The following NAALADL2 variants were observed in gnomAD, a reference collection of about 807,000 sequenced individuals.
The protein encoded by NAALADL2 is inactive N-acetylated-alpha-linked acidic dipeptidase-like protein 2.
Under a neutral mutation model 87.2 loss-of-function variants are expected in NAALADL2, and 76 were observed. That is an observed-to-expected ratio of 0.87 (90% CI 0.72 to 1.05). The LOEUF is 1.05. Among genes scored for constraint, NAALADL2 ranks in the 50% least tolerant of loss-of-function variants. The pLI is 0.00. For synonymous variants in NAALADL2, 354 were observed against 331.0 expected (o/e 1.07, Z -0.75); for missense variants, 1,089 against 945.8 (o/e 1.15, Z -1.99).
chr3:174,892,453 CA>C (rs1011859712), intron 1 of NAALADL2, among the ~76,000 whole-genome samples: 1 of 151,000 alleles, frequency 6.6e-6, no homozygotes, highest in African/African-American at 2.4e-5. Flanking sequence ...AACAAACAAA[CA>C]AAAAAGACAA....
intron 3 of NAALADL2, among the ~76,000 whole-genome samples, chr3:174,758,206 G>A (rs1233292716): frequency 3.3e-5 from 5 of 152,078 alleles, no homozygotes; most frequent in South Asian, 2.1e-4. Context: ...TCCCTTCCAC[G>A]TTTTAGAATA....
At chr3:175,359,103 TG>T (rs1265908240) in intron 5 of NAALADL2, among the ~76,000 whole-genome samples, 1 of 152,110 alleles carries the variant, frequency 6.6e-6, no homozygotes, top group African/African-American at 2.4e-5. Context: ...CAATGCTCAT[TG>T]CAAGCAGAAA....
At chr3:175,539,403 C>T (rs1228177155) in intron 9 of NAALADL2, among the ~76,000 whole-genome samples, 2 of 152,050 alleles carry the variant, frequency 1.3e-5, no homozygotes, top group Non-Finnish European at 2.9e-5. Context: ...AATAATTGAA[C>T]CCATTAAATA....
At chr3:175,533,917 C>T (rs1250841719) in intron 9 of NAALADL2, among the ~76,000 whole-genome samples, 2 of 151,948 alleles carry the variant, frequency 1.3e-5, no homozygotes, top group South Asian at 4.1e-4. Flanking sequence ...AGCAACCAAC[C>T]AGCTTCATTG....
chr3:174,692,014 T>G (rs953750067), intron 2 of NAALADL2: 2 of 152,250 alleles, frequency 1.3e-5, no homozygotes, highest in African/African-American at 2.4e-5. Flanking sequence ...CAAGTCATCC[T>G]TGAGGGTTGA....
intron 2 of NAALADL2, among the ~76,000 whole-genome samples, chr3:175,135,794 T>C (rs970773141): frequency 6.6e-6 from 1 of 152,128 alleles, no homozygotes; most frequent in African/African-American, 2.4e-5. Flanking sequence ...AAAATAAGTA[T>C]GTATTTAAGT....
At chr3:175,402,166 C>T (rs1170844243) in intron 5 of NAALADL2, among the ~76,000 whole-genome samples, 1 of 151,990 alleles carries the variant, frequency 6.6e-6, no homozygotes, top group Non-Finnish European at 1.5e-5. Context: ...TTATGGGGCA[C>T]TGAATGGGAA....
intron 5 of NAALADL2, among the ~76,000 whole-genome samples, chr3:175,412,924 A>ATTATTC (rs1445481611): frequency 6.9e-6 from 1 of 145,654 alleles, no homozygotes; most frequent in African/African-American, 2.5e-5. Context: ...TATTATTATT[A>ATTATTC]TTATTTTTGA....
At chr3:175,665,243 C>G (rs1732798521) in intron 11 of NAALADL2, among the ~76,000 whole-genome samples, 1 of 152,184 alleles carries the variant, frequency 6.6e-6, no homozygotes, top group African/African-American at 2.4e-5. Context: ...AGTTACAAGG[C>G]TGTATTTTAA....
At chr3:175,314,546 T>G (rs1758788709) in intron 4 of NAALADL2, among the ~76,000 whole-genome samples, 1 of 119,652 alleles carries the variant, frequency 8.4e-6, no homozygotes. Context: ...TGATTAATAC[T>G]TACCTTCACA....
intron 13 of NAALADL2, among the ~76,000 whole-genome samples, chr3:175,791,633 T>TA (rs1476438589): frequency 1.3e-5 from 2 of 152,178 alleles, no homozygotes; most frequent in Non-Finnish European, 2.9e-5. Flanking sequence ...ATTGATGTCC[T>TA]AAACTGACTA....
intron 2 of NAALADL2, among the ~76,000 whole-genome samples, chr3:175,143,370 C>T (rs1234554805): frequency 6.6e-6 from 1 of 151,804 alleles, no homozygotes; most frequent in Non-Finnish European, 1.5e-5. Context: ...AAAACCAATT[C>T]TGTCCTCTGA....
At chr3:175,130,123 T>A (rs1477330529) in intron 2 of NAALADL2, among the ~76,000 whole-genome samples, 2 of 152,180 alleles carry the variant, frequency 1.3e-5, no homozygotes, top group East Asian at 3.8e-4. Context: ...GAAATGTCTA[T>A]TAAGGTTTCT....
At chr3:174,642,937 G>A (rs932415283) in intron 2 of NAALADL2, among the ~76,000 whole-genome samples, 2 of 151,708 alleles carry the variant, frequency 1.3e-5, no homozygotes, top group African/African-American at 2.4e-5. Context: ...CACATGCTAC[G>A]ACACCAAGTT....
chr3:174,738,700 A>C (rs1357449349), intron 3 of NAALADL2, among the ~76,000 whole-genome samples: 1 of 152,224 alleles, frequency 6.6e-6, no homozygotes, highest in African/African-American at 2.4e-5. Context: ...TCCACTCGAC[A>C]CATGTCTATA....
At chr3:174,908,559 T>G (rs1280456256) in intron 1 of NAALADL2, among the ~76,000 whole-genome samples, 3 of 152,078 alleles carry the variant, frequency 2.0e-5, no homozygotes, top group Non-Finnish European at 4.4e-5. Flanking sequence ...TGCGGGTATA[T>G]CTAATGAAGA....
At chr3:175,278,492 C>A (rs899079325) in intron 4 of NAALADL2, among the ~76,000 whole-genome samples, 2 of 152,176 alleles carry the variant, frequency 1.3e-5, no homozygotes, top group Non-Finnish European at 2.9e-5. Context: ...TATGATTAGG[C>A]AAACACTCAC....
At chr3:174,825,924 G>A (rs1721932299) in intron 3 of NAALADL2, among the ~76,000 whole-genome samples, 1 of 152,104 alleles carries the variant, frequency 6.6e-6, no homozygotes, top group South Asian at 2.1e-4. Flanking sequence ...CTACTCAGGA[G>A]GCTGAGGCAG....
chr3:174,844,237 T>C (rs1372737281), intron 3 of NAALADL2, among the ~76,000 whole-genome samples: 1 of 152,210 alleles, frequency 6.6e-6, no homozygotes, highest in African/African-American at 2.4e-5. Context: ...GCACCATTTA[T>C]TGAAGAGACT....
Sources: allele counts gnomAD v4.1 joint callset (sites outside exome capture counted in the v4.1 genomes callset), GRCh38; gene constraint gnomAD v4.1.1; transcripts MANE v1.5; gene names NCBI Gene and HGNC (gene_info 2026-07-23, HGNC 2026-07-21).